RUNX1: variants seen among roughly 807,000 people sequenced by gnomAD.
RUNX1 encodes RUNX family transcription factor 1.
Under a neutral mutation model 42.8 loss-of-function variants are expected in RUNX1, and 19 were observed. The ratio of observed to expected loss-of-function variants is 0.44; its 90% CI spans 0.31 to 0.65. The LOEUF is 0.65. RUNX1 is among the 30% of genes least tolerant of loss of function. RUNX1 has a pLI of 0.07. For synonymous variants in RUNX1, 271 were observed against 289.4 expected (o/e 0.94, Z 0.64); for missense variants, 528 against 672.0 (o/e 0.79, Z 2.37).
intron 2 of RUNX1, among the ~76,000 whole-genome samples, chr21:35,019,091 C>T (rs1395738129): frequency 1.3e-5 from 2 of 152,208 alleles, no homozygotes; most frequent in Admixed American, 1.3e-4. Context: ...TACCATCTGG[C>T]TTAGATTGGC....
At chr21:34,957,408 T>C (rs1310164414) in intron 2 of RUNX1, among the ~76,000 whole-genome samples, 5 of 152,174 alleles carry the variant, frequency 3.3e-5, no homozygotes, top group African/African-American at 1.2e-4. Context: ...AGCCAGGAAC[T>C]CATTTGTCTT....
chr21:34,954,373 G>A (rs2058629937), intron 2 of RUNX1, among the ~76,000 whole-genome samples: 1 of 152,180 alleles, frequency 6.6e-6, no homozygotes, highest in Admixed American at 6.5e-5. Flanking sequence ...CTTGTGGCAG[G>A]AGTGATTGTC....
intron 2 of RUNX1, among the ~76,000 whole-genome samples, chr21:35,047,319 T>C (rs2059402939): frequency 6.6e-6 from 1 of 152,018 alleles, no homozygotes; most frequent in Non-Finnish European, 1.5e-5. Flanking sequence ...TTTTCACCAG[T>C]GGCCGGTGTC....
intron 2 of RUNX1, among the ~76,000 whole-genome samples, chr21:34,895,579 G>A (rs928257933): frequency 6.6e-6 from 1 of 152,108 alleles, no homozygotes; most frequent in African/African-American, 2.4e-5. Context: ...CTAGAGGAGG[G>A]GTTTAGGGAG....
intron 7 of RUNX1, among the ~76,000 whole-genome samples, chr21:34,809,598 GTT>G (rs2056730611): frequency 6.6e-6 from 1 of 152,156 alleles, no homozygotes; most frequent in Non-Finnish European, 1.5e-5. Flanking sequence ...GAAGGCCTGG[GTT>G]GGGAGACTGT....
At chr21:35,028,879 G>C (rs562780806) in intron 2 of RUNX1, among the ~76,000 whole-genome samples, 1 of 152,222 alleles carries the variant, frequency 6.6e-6, no homozygotes, top group Non-Finnish European at 1.5e-5. Flanking sequence ...GTAGTGGTGA[G>C]AGTGTCATGA....
At position 34,901,992 on chromosome 21, in the gene RUNX1, A is replaced by G. The variant is rs1330389207; in HGVS notation, c.59-9029T>C. Among the ~76,000 whole-genome samples, 2 of 152,220 alleles carry G rather than the reference A, an allele frequency of 1.3e-5. No homozygotes were observed. Among genetic ancestry groups the G allele is most frequent in the Non-Finnish European group, 1.5e-5 (1 of 68,044 alleles). ...TTGAGGCATTTTAGTTAATATATTT[A>G]AAGCTATTTCCACCACAATGAATAG... On this transcript the variant is annotated intron_variant, in intron 2 of 8. Transcript: ENST00000675419. The surrounding 1 kb of genome is among the most constrained non-coding windows in gnomAD (Gnocchi z 4.3).
intron 2 of RUNX1, among the ~76,000 whole-genome samples, chr21:34,968,277 G>A (rs1295910331): frequency 6.6e-6 from 1 of 152,192 alleles, no homozygotes; most frequent in Non-Finnish European, 1.5e-5. Context: ...TCTTAGAGCT[G>A]CAAGGCAGTA....
At chr21:34,823,446 T>G (rs1002620710) in intron 7 of RUNX1, among the ~76,000 whole-genome samples, 2 of 143,046 alleles carry the variant, frequency 1.4e-5, no homozygotes, top group Admixed American at 6.8e-5. Flanking sequence ...TTTTTTTTTT[T>G]TTTTTTTTTT....
intron 7 of RUNX1, among the ~76,000 whole-genome samples, chr21:34,802,715 G>A (rs1368351430): frequency 6.6e-6 from 1 of 152,088 alleles, no homozygotes; most frequent in Non-Finnish European, 1.5e-5. Context: ...GAACCCTAGT[G>A]GTATCTATTA....
chr21:34,882,769 T>G (rs2057924973), intron 4 of RUNX1, among the ~76,000 whole-genome samples: 1 of 152,126 alleles, frequency 6.6e-6, no homozygotes, highest in Admixed American at 6.5e-5. Context: ...AATTTTCCCC[T>G]TTTTTTCATG....
chr21:34,855,895 AC>A (rs2057489362), intron 6 of RUNX1, among the ~76,000 whole-genome samples: 1 of 152,166 alleles, frequency 6.6e-6, no homozygotes, highest in African/African-American at 2.4e-5. Flanking sequence ...GGCAGAGGAT[AC>A]CTTTTGATGG....
intron 2 of RUNX1, among the ~76,000 whole-genome samples, chr21:34,940,750 G>T (rs1207078407): frequency 6.6e-6 from 1 of 152,180 alleles, no homozygotes; most frequent in South Asian, 2.1e-4. Context: ...GTAAGAAGAC[G>T]CTTCATCTAG....
intron 5 of RUNX1, among the ~76,000 whole-genome samples, chr21:34,864,680 G>C (rs1056651811): frequency 6.6e-6 from 1 of 152,184 alleles, no homozygotes; most frequent in African/African-American, 2.4e-5. Context: ...TAAACAAGGG[G>C]TAAACACCAA....
chr21:34,908,976 G>C (rs2058248848), intron 2 of RUNX1, among the ~76,000 whole-genome samples: 1 of 152,040 alleles, frequency 6.6e-6, no homozygotes. Context: ...TGTGCTAGGG[G>C]TAAGATGTAC....
intron 2 of RUNX1, among the ~76,000 whole-genome samples, chr21:35,037,577 G>A (rs560780609): frequency 2.6e-5 from 4 of 152,240 alleles, no homozygotes; most frequent in East Asian, 1.9e-4. Flanking sequence ...TCCCCTCCAC[G>A]GGCAGACAGA....
rs1345467459 is a variant in RUNX1 at position 34,799,510 on chromosome 21, T to A, written c.806-48A>T. ...ATTATATGTAAAGTGGGGTGGGATT[T>A]AAAAAATGTCTTTTAATAAGAAATG... On this transcript the variant is annotated intron_variant, in intron 7 of 8. Coordinates refer to ENST00000675419, the MANE Select transcript of RUNX1 (RefSeq NM_001754.5). 3 of 1,549,540 alleles carry A rather than the reference T, an allele frequency of 1.9e-6. No individual in the cohort carries two copies. The Admixed American group carries it at 5.0e-5, about 26-fold the overall frequency.
rs2058541537 is a variant in RUNX1 at position 34,943,331 on chromosome 21, A to G, written c.59-50368T>C. On this transcript the variant is annotated intron_variant, in intron 2 of 8. Coordinates refer to ENST00000675419, the MANE Select transcript of RUNX1 (RefSeq NM_001754.5). ...TTAACTTCTTTGCTGTCTTTACCAG[A>G]TGTACCCATCCAGGCTCCAACATGA... is the stretch of plus-strand genomic sequence containing the variant. Among the ~76,000 whole-genome samples the G allele has an allele frequency of 1.3e-5, 2 of 152,148 alleles. 1 individual carries two copies. Among genetic ancestry groups the G allele is most frequent in the South Asian group, 4.1e-4 (2 of 4,826 alleles).
At position 34,789,815 on chromosome 21, in the gene RUNX1, A is replaced by C. The variant is rs886057040; in HGVS notation, c.*2320T>G. ...TCAATGTAAAAGATTATCTAATCAGAGCATGAGGCTGGTTTTGAGTTGGAA... is the reference window on the plus strand; with the variant it reads ...TCAATGTAAAAGATTATCTAATCAGCGCATGAGGCTGGTTTTGAGTTGGAA... On this transcript the variant is annotated 3_prime_UTR_variant, in exon 9 of 9. Transcript: ENST00000675419. 6.9e-5 allele frequency: 16 copies of C among 233,202 alleles called. No homozygotes were observed. Among genetic ancestry groups the C allele is most frequent in the Admixed American group, 1.7e-4 (3 of 17,786 alleles). 14.4% of individuals were successfully genotyped at this position (233,202 alleles called of 1,614,324 possible).
Sources: gnomAD v4.1 joint callset for allele counts (sites outside exome capture counted in the v4.1 genomes callset) on GRCh38, gnomAD v4.1.1 for gene constraint, Gnocchi (gnomAD v3.1) non-coding constraint, MANE v1.5 for transcripts, NCBI Gene and HGNC (gene_info 2026-07-23, HGNC 2026-07-21) for gene names.